LHFPL6: variants seen among roughly 807,000 people sequenced by gnomAD.
LHFPL6 encodes LHFPL tetraspan subfamily member 6, also known as LHFPL tetraspan subfamily member 6 protein.
LHFPL6 carries 9 observed loss-of-function variants against 20.6 expected under a neutral mutation model. The observed-to-expected ratio is 0.44, with a 90% confidence interval of 0.26 to 0.76. The LOEUF (loss-of-function observed/expected upper bound fraction) is 0.76, where lower values mean the gene tolerates loss of function less well. Ranked by LOEUF, LHFPL6 falls within the 30% of genes least tolerant of loss-of-function variation. The pLI, the probability that LHFPL6 is intolerant of heterozygous loss-of-function variation, is 0.20. For missense variants in LHFPL6, 218 were observed against 253.5 expected (o/e 0.86, Z 0.95); for synonymous variants, 105 against 98.7 (o/e 1.06, Z -0.38).
At chr13:39,378,235 A>G (rs1305197888) in intron 3 of LHFPL6, among the ~76,000 whole-genome samples, 193 bp downstream of exon 3, 2 of 152,208 alleles carry the variant, frequency 1.3e-5, no homozygotes, top group Non-Finnish European at 2.9e-5. Context: ...TACTCATCAT[A>G]GTACTGAGCA....
intron 2 of LHFPL6, among the ~76,000 whole-genome samples, chr13:39,480,145 G>T (rs905183573): frequency 6.6e-6 from 1 of 152,146 alleles, no homozygotes; most frequent in South Asian, 2.1e-4. Context: ...CCATGTGCCA[G>T]TTTGAAGAAG....
At chr13:39,460,725 C>A (rs1566116593) in intron 2 of LHFPL6, among the ~76,000 whole-genome samples, 1 of 152,220 alleles carries the variant, frequency 6.6e-6, no homozygotes, top group Non-Finnish European at 1.5e-5. Flanking sequence ...GCAGACATTT[C>A]ATTTGCTCTT....
intron 2 of LHFPL6, among the ~76,000 whole-genome samples, chr13:39,497,718 A>G (rs73464815): frequency 0.051 from 7,770 of 152,222 alleles, 636 homozygotes; most frequent in African/African-American, 0.18. Context: ...TTATGATAGC[A>G]ATTCCAAAGA....
chr13:39,510,021 T>C (rs1254716546), intron 2 of LHFPL6, among the ~76,000 whole-genome samples: 1 of 152,130 alleles, frequency 6.6e-6, no homozygotes, highest in African/African-American at 2.4e-5. Context: ...AGAAATAAAA[T>C]AGGCTCTAAG....
intron 2 of LHFPL6, among the ~76,000 whole-genome samples, chr13:39,501,665 T>A (rs1378933003): frequency 6.6e-6 from 1 of 152,146 alleles, no homozygotes; most frequent in East Asian, 1.9e-4. Context: ...GGGTGAGGTA[T>A]GGAGAAACAA....
intron 2 of LHFPL6, among the ~76,000 whole-genome samples, chr13:39,598,303 C>A (rs1372379704): frequency 6.8e-6 from 1 of 146,502 alleles, no homozygotes; most frequent in Non-Finnish European, 1.5e-5. Context: ...TTTTTTTGGT[C>A]ATCTGGTCTC....
At chr13:39,562,582 A>G (rs1456456508) in intron 2 of LHFPL6, among the ~76,000 whole-genome samples, 1 of 117,610 alleles carries the variant, frequency 8.5e-6, no homozygotes, top group Non-Finnish European at 1.8e-5. Flanking sequence ...ACATATATAC[A>G]CATATATACA....
chr13:39,582,605 G>A (rs548576944), intron 2 of LHFPL6, among the ~76,000 whole-genome samples: 2 of 152,178 alleles, frequency 1.3e-5, no homozygotes, highest in East Asian at 3.8e-4. Flanking sequence ...CCTTTTGTGG[G>A]GGTGTGGTTT....
intron 2 of LHFPL6, among the ~76,000 whole-genome samples, chr13:39,451,216 T>A (rs143656377): frequency 1.1e-3 from 173 of 152,246 alleles, no homozygotes; most frequent in African/African-American, 3.8e-3. Context: ...TTAAAAATAG[T>A]TTACAGAGTC....
chr13:39,403,794 C>A (rs1535778), intron 2 of LHFPL6, among the ~76,000 whole-genome samples: 104,313 of 152,032 alleles, frequency 0.69, 36,365 homozygotes, highest in Admixed American at 0.78. Context: ...TTGGACATAC[C>A]CCCACCACTG....
chr13:39,499,434 C>T (rs926251752), intron 2 of LHFPL6, among the ~76,000 whole-genome samples: 2 of 152,160 alleles, frequency 1.3e-5, no homozygotes, highest in East Asian at 3.8e-4. Flanking sequence ...CTTCACCATC[C>T]CTTGAGAGAA....
chr13:39,370,889 A>G (rs1870148592), intron 3 of LHFPL6, among the ~76,000 whole-genome samples: 1 of 152,202 alleles, frequency 6.6e-6, no homozygotes, highest in African/African-American at 2.4e-5. Context: ...TTTTTAAAAA[A>G]TTATACTTTT....
At chr13:39,450,079 A>G (rs1049238252) in intron 2 of LHFPL6, among the ~76,000 whole-genome samples, 2 of 152,170 alleles carry the variant, frequency 1.3e-5, no homozygotes, top group African/African-American at 4.8e-5. Context: ...TTTACAGATT[A>G]TTTGCTTTTA....
At chr13:39,528,381 C>T (rs950336695) in intron 2 of LHFPL6, among the ~76,000 whole-genome samples, 6 of 152,132 alleles carry the variant, frequency 3.9e-5, no homozygotes, top group African/African-American at 1.4e-4. Context: ...AATTAAAGCT[C>T]ATCTAATAAG....
At chr13:39,352,972 C>CACATATATATAT (rs1555257725) in intron 3 of LHFPL6, among the ~76,000 whole-genome samples, 2 of 69,134 alleles carry the variant, frequency 2.9e-5, no homozygotes, top group African/African-American at 6.6e-5. Context: ...CACACACACA[C>CACATATATATAT]ATATATATAT....
intron 2 of LHFPL6, among the ~76,000 whole-genome samples, chr13:39,409,244 A>G (rs1216956063): frequency 6.6e-6 from 1 of 152,146 alleles, no homozygotes; most frequent in Non-Finnish European, 1.5e-5. Flanking sequence ...ACTTGAGGTC[A>G]GGAGTTCTAG....
At chr13:39,536,581 C>T (rs1441958409) in intron 2 of LHFPL6, among the ~76,000 whole-genome samples, 1 of 152,160 alleles carries the variant, frequency 6.6e-6, no homozygotes, top group Non-Finnish European at 1.5e-5. Flanking sequence ...AAGTCTGGAG[C>T]TCTTCCTGCC....
chr13:39,600,705 A>G (rs558611612), intron 2 of LHFPL6, 127 bp downstream of exon 2: 75 of 1,023,412 alleles, frequency 7.3e-5, no homozygotes, highest in Non-Finnish European at 9.7e-5. Context: ...CATCAAAGCC[A>G]TTCCAAATCT....
chr13:39,566,347 A>G (rs1266793335), intron 2 of LHFPL6, among the ~76,000 whole-genome samples: 1 of 152,218 alleles, frequency 6.6e-6, no homozygotes, highest in Non-Finnish European at 1.5e-5. Context: ...TTGAAATATT[A>G]ATAAATCCTT....
Sources: allele counts gnomAD v4.1 joint callset (sites outside exome capture counted in the v4.1 genomes callset), GRCh38; gene constraint gnomAD v4.1.1; transcripts MANE v1.5; gene names NCBI Gene and HGNC (gene_info 2026-07-23, HGNC 2026-07-21).